COL11A1: variants seen among roughly 807,000 people sequenced by gnomAD.
COL11A1 encodes collagen alpha-1(XI) chain.
In COL11A1, 74 loss-of-function variants were observed where a neutral mutation model predicts 265.2. The ratio of observed to expected loss-of-function variants is 0.28; its 90% CI spans 0.23 to 0.34. The LOEUF is 0.34. Ranked by LOEUF, COL11A1 falls within the 10% of genes least tolerant of loss-of-function variation. The pLI is 1.00. For missense variants in COL11A1, 2,165 were observed against 2,263.6 expected (o/e 0.96, Z 0.88); for synonymous variants, 816 against 727.6 (o/e 1.12, Z -1.96).
intron 4 of COL11A1, among the ~76,000 whole-genome samples, chr1:103,062,376 A>C (rs1448227525): frequency 6.6e-6 from 1 of 151,990 alleles, no homozygotes; most frequent in East Asian, 1.9e-4. Context: ...ACATTAAAAG[A>C]AAATAATACT....
In COL11A1 at chr1:102,920,964, TC is replaced by T. The variant is rs375952825; in HGVS notation, c.3708+553del. Reference sequence around the variant, plus strand: ...GGAAAAATATCATCAAAGCCATGGATCCATTAATGGTAACAGTAAGATAAAT... The same window carrying T: ...GGAAAAATATCATCAAAGCCATGGATCATTAATGGTAACAGTAAGATAAAT... On this transcript the variant is annotated intron_variant, in intron 48 of 66. Transcript: ENST00000370096. Among the ~76,000 whole-genome samples, 150 of 152,256 alleles carry T rather than the reference TC, an allele frequency of 9.9e-4. 6 individuals carry two copies. In the South Asian group the frequency reaches 0.029, roughly 29 times the overall value.
chr1:102,951,971 T>A (rs1048257320), intron 41 of COL11A1, among the ~76,000 whole-genome samples: 1 of 152,166 alleles, frequency 6.6e-6, no homozygotes, highest in East Asian at 1.9e-4. Context: ...ATAATGCTTA[T>A]TAAATTTATA....
At chr1:102,973,174 C>T (rs755122745) in intron 36 of COL11A1, among the ~76,000 whole-genome samples, 1 of 152,008 alleles carries the variant, frequency 6.6e-6, no homozygotes, top group Non-Finnish European at 1.5e-5. Flanking sequence ...ATTTCATGCT[C>T]TAATGTTTCA....
At chr1:102,984,613 C>T (rs1281414825) in intron 30 of COL11A1, among the ~76,000 whole-genome samples, 1 of 151,988 alleles carries the variant, frequency 6.6e-6, no homozygotes, top group African/African-American at 2.4e-5. Flanking sequence ...CTTTTTGATA[C>T]AGTTATTTCA....
At chr1:103,010,599 C>T (rs953658928) in intron 14 of COL11A1, among the ~76,000 whole-genome samples, 3 of 152,106 alleles carry the variant, frequency 2.0e-5, no homozygotes, top group African/African-American at 7.2e-5. Flanking sequence ...CTGCTCATTG[C>T]TGCCGTTAGC....
intron 57 of COL11A1, among the ~76,000 whole-genome samples, chr1:102,892,251 A>G (rs914025060): frequency 4.6e-5 from 7 of 152,134 alleles, no homozygotes; most frequent in African/African-American, 1.7e-4. Context: ...CTATGACAGC[A>G]AATTGTTTTA....
At chr1:102,930,871 T>G (rs1432728199) in intron 46 of COL11A1, among the ~76,000 whole-genome samples, 1 of 151,918 alleles carries the variant, frequency 6.6e-6, no homozygotes, top group East Asian at 1.9e-4. Context: ...TTTTCTAGTT[T>G]ATTTGCGTAG....
At chr1:102,910,191 G>T (rs2622837) in intron 54 of COL11A1, among the ~76,000 whole-genome samples, 12,195 of 151,624 alleles carry the variant, frequency 0.08, 1,069 homozygotes, top group African/African-American at 0.21. Flanking sequence ...TCTTTAATAG[G>T]TTATTTTATT....
intron 37 of COL11A1, 76 bp from the exon 38 acceptor site, chr1:102,965,616 A>G (rs1285913752): frequency 1.7e-6 from 2 of 1,187,716 alleles, no homozygotes; most frequent in South Asian, 1.3e-5. Flanking sequence ...AGATAGCTGA[A>G]TAAGTCACAT....
chr1:102,883,901 A>C (rs1163447564), intron 63 of COL11A1, among the ~76,000 whole-genome samples: 1 of 152,184 alleles, frequency 6.6e-6, no homozygotes, highest in Admixed American at 6.5e-5. Flanking sequence ...CCTGCTATTA[A>C]TGCCATTGCT....
At chr1:102,982,769 G>T (rs972934958) in intron 31 of COL11A1, among the ~76,000 whole-genome samples, 2 of 152,052 alleles carry the variant, frequency 1.3e-5, no homozygotes, top group African/African-American at 4.8e-5. Flanking sequence ...CTAAGACAGT[G>T]TTATCACGTG....
At chr1:103,036,915 A>G (rs1381613332) in intron 4 of COL11A1, among the ~76,000 whole-genome samples, 2 of 152,118 alleles carry the variant, frequency 1.3e-5, no homozygotes, top group Non-Finnish European at 2.9e-5. Flanking sequence ...GCCTATAGAC[A>G]GTATGGGTAT....
Position 102,899,001 on chromosome 1 carries a change from A to G in COL11A1, c.4087-7T>C. ...CTGCAGCTCCAGGAGGACCCTATAG[A>G]CATAAGATTTATTGTAAAATATGTA... On this transcript the variant is annotated splice_region_variant and splice_polypyrimidine_tract_variant and intron_variant, in intron 54 of 66. Transcript: ENST00000370096. 6.6e-7 allele frequency: 1 copy of G among 1,517,324 alleles called. No homozygotes were observed. Among genetic ancestry groups the G allele is most frequent in the Non-Finnish European group, 8.9e-7 (1 of 1,119,364 alleles). 94.0% of individuals were successfully genotyped at this position (1,517,324 alleles called of 1,614,324 possible).
intron 28 of COL11A1, among the ~76,000 whole-genome samples, chr1:102,993,679 A>T (rs987785535): frequency 6.6e-6 from 1 of 151,992 alleles, no homozygotes; most frequent in African/African-American, 2.4e-5. Context: ...CTGGGACCAC[A>T]GGTGCGCATC....
rs755917103 is a variant in COL11A1 at position 103,082,867 on chromosome 1, T to A, written c.212A>T (p.Asp71Val). Residue 71 changes from aspartate (D) to valine (V), a missense_variant, in exon 2 of 67, where the codon GAT becomes GTT. Coordinates refer to ENST00000370096, the MANE Select transcript of COL11A1 (RefSeq NM_001854.4). ...TTGCTTTGAAACTCTGTAAGCAGTA[T>A]CTGAGCCTTTAGAATTCTTTCTGTT... is the stretch of plus-strand genomic sequence containing the variant. The part of the protein sequence containing the change: ...CTNRKNSKGS[D>V]TAYRVSKQAQ... 6 of 1,613,770 alleles carry A rather than the reference T, an allele frequency of 3.7e-6. No individual in the cohort carries two copies. The highest frequency in any genetic ancestry group is 5.1e-6 in the Non-Finnish European group (6 of 1,179,758).
chr1:103,020,121 G>A (rs1465841164), intron 9 of COL11A1, among the ~76,000 whole-genome samples: 9 of 151,828 alleles, frequency 5.9e-5, no homozygotes, highest in Admixed American at 5.9e-4. Flanking sequence ...GGATGGGTGG[G>A]TCAAATGGTA....
intron 54 of COL11A1, among the ~76,000 whole-genome samples, chr1:102,907,438 A>G (rs146932861): frequency 2.2e-4 from 34 of 152,200 alleles, no homozygotes; most frequent in African/African-American, 7.9e-4. Flanking sequence ...TAAATGCACT[A>G]CATAATACAG....
Position 102,987,706 on chromosome 1 carries a change from T to C in COL11A1, c.2429A>G (p.Asp810Gly). The change falls in exon 30 of 67, where the codon GAT (aspartate) becomes GGT (glycine). Residue 810 changes from aspartate to glycine, a missense_variant. Asp to Gly is a moderately conservative substitution (Grantham distance 94, BLOSUM62 -1). Transcript: ENST00000370096. ...EVGQIGPRGE[D>G]GPEGPKGRAG... ...TCGACCTTTGGGTCCTTCAGGGCCA[T>C]CTTCCCCTCTTGGGCCAATTTGACC... The C allele has an allele frequency of 6.2e-7, 1 of 1,613,618 alleles. No homozygotes were observed. Among genetic ancestry groups the C allele is most frequent in the Non-Finnish European group, 8.5e-7 (1 of 1,179,718 alleles).
intron 53 of COL11A1, 98 bp from the exon 54 acceptor site, chr1:102,912,310 A>T: frequency 2.3e-6 from 2 of 870,614 alleles, no homozygotes; most frequent in Non-Finnish European, 3.6e-6. Context: ...CTCTTTCTTC[A>T]TTTCCACATG....
Sources: gnomAD v4.1 joint callset for allele counts (sites outside exome capture counted in the v4.1 genomes callset) on GRCh38, gnomAD v4.1.1 for gene constraint, MANE v1.5 for transcripts, NCBI Gene and HGNC (gene_info 2026-07-23, HGNC 2026-07-21) for gene names.